The following RFX4 variants were observed in gnomAD, a reference collection of about 807,000 sequenced individuals.
RFX4 encodes the protein transcription factor RFX4.
In RFX4, 10 loss-of-function variants were observed where a neutral mutation model predicts 95.0. The ratio of observed to expected loss-of-function variants is 0.11; its 90% confidence interval spans 0.06 to 0.18. The LOEUF is 0.18. Ranked by LOEUF, RFX4 falls within the 10% of genes least tolerant of loss-of-function variation. The probability of loss-of-function intolerance (pLI) is 1.00; values close to 1 mark genes in which losing one functional copy is unlikely to be tolerated. For synonymous variants in RFX4, 321 were observed against 340.7 expected (o/e 0.94, Z 0.64); for missense variants, 640 against 922.0 (o/e 0.69, Z 3.96).
intron 8 of RFX4, among the ~76,000 whole-genome samples, chr12:106,705,709 G>A (rs1380661279): frequency 8.5e-5 from 13 of 152,170 alleles, no homozygotes; most frequent in Non-Finnish European, 1.5e-5. Flanking sequence ...GATGGAGTAA[G>A]CTGAGGGGAC....
chr12:106,680,245 C>A (rs896939966), intron 4 of RFX4, among the ~76,000 whole-genome samples: 6 of 152,330 alleles, frequency 3.9e-5, no homozygotes, highest in Admixed American at 3.9e-4. Context: ...ATTCTCCACA[C>A]TGGAGGTGGT....
chr12:106,649,813 A>T (rs1008638221), intron 3 of RFX4, among the ~76,000 whole-genome samples: 1 of 152,122 alleles, frequency 6.6e-6, no homozygotes, highest in Non-Finnish European at 1.5e-5. Context: ...TGGAGAATGG[A>T]GCCCCCCATT....
chr12:106,655,168 A>G (rs866312254), intron 4 of RFX4, among the ~76,000 whole-genome samples: 1 of 152,154 alleles, frequency 6.6e-6, no homozygotes, highest in African/African-American at 2.4e-5. Flanking sequence ...CAAAAGATAA[A>G]TCATCAGTAG....
chr12:106,618,869 G>T (rs1432396489), intron 2 of RFX4, among the ~76,000 whole-genome samples: 1 of 151,908 alleles, frequency 6.6e-6, no homozygotes, highest in African/African-American at 2.4e-5. Flanking sequence ...AAAAATATTT[G>T]ATGTTTTCTT....
At chr12:106,653,303 T>C (rs971497719) in intron 3 of RFX4, among the ~76,000 whole-genome samples, 1 of 152,226 alleles carries the variant, frequency 6.6e-6, no homozygotes, top group Non-Finnish European at 1.5e-5. Context: ...TCAGGACATA[T>C]AGTGCCCAAA....
At chr12:106,621,173 A>C (rs1344233622) in intron 2 of RFX4, among the ~76,000 whole-genome samples, 1 of 152,246 alleles carries the variant, frequency 6.6e-6, no homozygotes, top group Non-Finnish European at 1.5e-5. Flanking sequence ...CAGGATTAAG[A>C]GGTTAAAGTA....
intron 3 of RFX4, among the ~76,000 whole-genome samples, chr12:106,652,049 C>G (rs2040866272): frequency 6.6e-6 from 1 of 152,162 alleles, no homozygotes; most frequent in Non-Finnish European, 1.5e-5. Context: ...ACCTCCCAGG[C>G]TGATTTTCAT....
chr12:106,606,153 A>G (rs1268312317), intron 1 of RFX4, among the ~76,000 whole-genome samples: 1 of 152,326 alleles, frequency 6.6e-6, no homozygotes, highest in South Asian at 2.1e-4. Flanking sequence ...ACCTGCAAGA[A>G]CAGGCCCTTC....
chr12:106,633,946 G>A (rs2040464210), intron 2 of RFX4, among the ~76,000 whole-genome samples: 1 of 152,128 alleles, frequency 6.6e-6, no homozygotes, highest in South Asian at 2.1e-4. Flanking sequence ...CCTCCTCCCA[G>A]AGTCTGACAG....
intron 13 of RFX4, among the ~76,000 whole-genome samples, chr12:106,728,250 A>G (rs955407815): frequency 2.2e-5 from 3 of 136,540 alleles, no homozygotes; most frequent in African/African-American, 8.7e-5. Flanking sequence ...GCTGCTCCCT[A>G]GCTCTGTGAC....
chr12:106,650,173 A>G (rs891325981), intron 3 of RFX4, among the ~76,000 whole-genome samples: 3 of 152,234 alleles, frequency 2.0e-5, no homozygotes, highest in Non-Finnish European at 4.4e-5. Context: ...ATTTCTATCA[A>G]TTTAAATAAT....
chr12:106,649,874 C>G (rs2040825872), intron 3 of RFX4, among the ~76,000 whole-genome samples: 1 of 152,142 alleles, frequency 6.6e-6, no homozygotes, highest in Non-Finnish European at 1.5e-5. Flanking sequence ...TTACTCCTGT[C>G]CTCCTCACAT....
chr12:106,608,967 G>A, intron 2 of RFX4, 84 bp downstream of exon 2: 1 of 1,222,962 alleles, frequency 8.2e-7, no homozygotes, highest in Non-Finnish European at 1.2e-6. Context: ...AGATTGCTAG[G>A]CTGGGCCAAG....
intron 17 of RFX4, among the ~76,000 whole-genome samples, chr12:106,758,800 C>T (rs2043156583): frequency 6.6e-6 from 1 of 152,202 alleles, no homozygotes; most frequent in Non-Finnish European, 1.5e-5. Context: ...GTGAGGAAAG[C>T]GTGCTCCCCA....
intron 3 of RFX4, among the ~76,000 whole-genome samples, chr12:106,647,930 C>T (rs561557321): frequency 6.6e-6 from 1 of 152,176 alleles, no homozygotes; most frequent in South Asian, 2.1e-4. Flanking sequence ...AGGCAGGATT[C>T]AAAGTCAGTG....
intron 2 of RFX4, among the ~76,000 whole-genome samples, chr12:106,621,353 A>G (rs1259700639): frequency 1.3e-5 from 2 of 152,180 alleles, no homozygotes; most frequent in Non-Finnish European, 2.9e-5. Flanking sequence ...GCAGAGAGAG[A>G]GCTAGCAGAT....
chr12:106,687,786 T>C (rs1383215236), intron 6 of RFX4, among the ~76,000 whole-genome samples: 1 of 152,194 alleles, frequency 6.6e-6, no homozygotes, highest in Non-Finnish European at 1.5e-5. Context: ...TATCTGTCTA[T>C]CTACCTATCA....
chr12:106,595,732 G>A (rs538129764), intron 1 of RFX4, among the ~76,000 whole-genome samples: 2 of 152,278 alleles, frequency 1.3e-5, no homozygotes, highest in Admixed American at 6.5e-5. Flanking sequence ...TAAAAGAACA[G>A]CACCTTCCAT....
At position 106,583,140 on chromosome 12, in the gene RFX4, C is replaced by A. The variant is rs749243785; in HGVS notation, c.-181C>A. ...TCTCCTCTTTTCTTCTTTCTCTTTT[C>A]TTTCCTCTTCTTTTTCTTTTCTTTT... is the stretch of plus-strand genomic sequence containing the variant. On this transcript the variant is annotated 5_prime_UTR_variant, in exon 1 of 18. Transcript: ENST00000392842. 308 of 491,258 alleles carry A rather than the reference C, an allele frequency of 6.3e-4. 1 individual carries two copies. Among genetic ancestry groups the A allele is most frequent in the Non-Finnish European group, 9.2e-4 (269 of 291,870 alleles). 30.4% of individuals were successfully genotyped at this position (491,258 alleles called of 1,614,324 possible). A position where few individuals can be genotyped will look rare whatever the true frequency, so the allele number is the denominator to read the frequency against.
Sources: gnomAD v4.1 joint callset for allele counts (sites outside exome capture counted in the v4.1 genomes callset) on GRCh38, gnomAD v4.1.1 for gene constraint, MANE v1.5 for transcripts, NCBI Gene and HGNC (gene_info 2026-07-23, HGNC 2026-07-21) for gene names.